SLC30A7: variants seen among roughly 807,000 people sequenced by gnomAD.
SLC30A7 encodes zinc transporter 7.
Under a neutral mutation model 46.0 loss-of-function variants are expected in SLC30A7, and 35 were observed. The ratio of observed to expected loss-of-function variants is 0.76; its 90% CI spans 0.58 to 1.01. The LOEUF is 1.01. Among genes scored for constraint, SLC30A7 ranks in the 50% least tolerant of loss-of-function variants. The pLI is 0.00. For synonymous variants in SLC30A7, 147 were observed against 157.8 expected (o/e 0.93, Z 0.51); for missense variants, 464 against 451.1 (o/e 1.03, Z -0.26).
intron 8 of SLC30A7, among the ~76,000 whole-genome samples, chr1:100,949,200 T>C (rs765911696): frequency 2.0e-5 from 3 of 152,164 alleles, no homozygotes; most frequent in Non-Finnish European, 2.9e-5. Context: ...GGTGTAGATG[T>C]CTTTTTTTGT....
chr1:100,981,822 A>G (rs1160802288), downstream of SLC30A7: 1 of 152,214 alleles, frequency 6.6e-6, no homozygotes, highest in Non-Finnish European at 1.5e-5. Flanking sequence ...AGGTATTGGA[A>G]TAGATACTAG....
intron 8 of SLC30A7, among the ~76,000 whole-genome samples, chr1:100,927,831 T>G (rs973680895): frequency 6.6e-5 from 10 of 152,098 alleles, no homozygotes; most frequent in African/African-American, 2.4e-4. Context: ...TCTAATCCAC[T>G]TAGTGGCCTA....
At chr1:100,902,765 T>C (rs1651388753) in intron 2 of SLC30A7, among the ~76,000 whole-genome samples, 1 of 152,200 alleles carries the variant, frequency 6.6e-6, no homozygotes, top group Admixed American at 6.5e-5. Context: ...TTTCTCTTTT[T>C]TATAAGGACA....
rs1280532422 is a variant in SLC30A7, at chr1:100,977,751, T to G, written c.*2894T>G. On this transcript the variant is annotated 3_prime_UTR_variant, in exon 11 of 11. Transcript: ENST00000357650. Reference sequence around the variant, plus strand: ...TACTATCTTTGGTTTTGTTTTTTTGTTTTTTTTGTTTGTTTGTATTAGATG... The same window carrying G: ...TACTATCTTTGGTTTTGTTTTTTTGGTTTTTTTGTTTGTTTGTATTAGATG... 6.6e-6 allele frequency: 1 copy of G among 151,828 alleles called. No homozygotes were observed. The highest frequency in any genetic ancestry group is 2.4e-5 in the African/African-American group (1 of 41,314). The allele number at this position is 151,828 out of a possible 1,614,324, so 9.4% of individuals were successfully genotyped here.
Position 100,896,188 on chromosome 1 carries a change from A to G in SLC30A7, c.-75A>G. On this transcript the variant is annotated 5_prime_UTR_variant, in exon 1 of 11. Coordinates refer to ENST00000357650, the MANE Select transcript of SLC30A7 (RefSeq NM_133496.5). ...GCTGGGGATTCCCGTTTGAGGCGTC[A>G]CTACTGTCACTGCCATCACCCCACG... 1 of 1,323,588 alleles carries G rather than the reference A, an allele frequency of 7.6e-7. No homozygotes were observed. The highest frequency in any genetic ancestry group is 1.1e-6 in the Non-Finnish European group (1 of 918,050). The allele number at this position is 1,323,588 out of a possible 1,614,324, so 82.0% of individuals were successfully genotyped here.
intron 2 of SLC30A7, among the ~76,000 whole-genome samples, chr1:100,903,612 A>G (rs1651449237): frequency 6.6e-6 from 1 of 152,150 alleles, no homozygotes. Flanking sequence ...TACTATCTGC[A>G]CTTAAACTTT....
chr1:100,941,862 C>T, intron 8 of SLC30A7: 1 of 485,166 alleles, frequency 2.1e-6, no homozygotes, highest in South Asian at 1.7e-5. Context: ...CATTACCACA[C>T]ACTCTGTGAG....
rs560238890 is a variant in SLC30A7, at chr1:100,978,469, C to G, written c.*3612C>G. ...CTTAACACAGAATTTTACATCTAAG[C>G]AAGGACTGGCTTTAGAAGCAGTGTA... On this transcript the variant is annotated 3_prime_UTR_variant, in exon 11 of 11. Transcript: ENST00000357650. 68 of 152,242 alleles carry G rather than the reference C, an allele frequency of 4.5e-4. 1 individual carries two copies. The highest frequency in any genetic ancestry group is 1.5e-3 in the African/African-American group (62 of 41,558). 9.4% of individuals were successfully genotyped at this position (152,242 alleles called of 1,614,324 possible).
intron 6 of SLC30A7, among the ~76,000 whole-genome samples, chr1:100,915,648 G>A (rs1423081474): frequency 1.3e-5 from 2 of 152,118 alleles, no homozygotes; most frequent in Non-Finnish European, 2.9e-5. Flanking sequence ...TCCGTTGTAT[G>A]TATATACCAC....
intron 2 of SLC30A7, among the ~76,000 whole-genome samples, chr1:100,905,102 T>G (rs541188863): frequency 1.3e-5 from 2 of 152,226 alleles, no homozygotes; most frequent in South Asian, 4.1e-4. Flanking sequence ...AATATGTCAT[T>G]TCATGTATCT....
At chr1:100,907,002 A>G in intron 3 of SLC30A7, 37 bp downstream of exon 3, 2 of 1,326,044 alleles carry the variant, frequency 1.5e-6, no homozygotes, top group Non-Finnish European at 2.2e-6. Context: ...TTATTGAAGT[A>G]TAAGATATAC....
At chr1:100,921,337 G>A (rs1289280982) in intron 7 of SLC30A7, among the ~76,000 whole-genome samples, 1 of 152,114 alleles carries the variant, frequency 6.6e-6, no homozygotes, top group Non-Finnish European at 1.5e-5. Flanking sequence ...TTCTTGACCA[G>A]TTCTTTTAGC....
chr1:100,911,976 A>T, intron 4 of SLC30A7, 136 bp from the exon 5 acceptor site: 1 of 699,530 alleles, frequency 1.4e-6, no homozygotes, highest in Non-Finnish European at 2.4e-6. Context: ...TATTTCTATC[A>T]ACTGTTTTGG....
chr1:100,948,408 T>G (rs562215845), intron 8 of SLC30A7, among the ~76,000 whole-genome samples: 30 of 152,370 alleles, frequency 2.0e-4, no homozygotes, highest in African/African-American at 6.5e-4. Context: ...TGCTGAGAGA[T>G]CCACTGTTTG....
Position 100,979,296 on chromosome 1 carries a change from A to T in SLC30A7, c.*4439A>T, listed in dbSNP as rs1427713608. 1.3e-5 allele frequency: 2 copies of T among 151,996 alleles called. No individual in the cohort carries two copies. Among genetic ancestry groups the T allele is most frequent in the Non-Finnish European group, 2.9e-5 (2 of 67,972 alleles). 9.4% of individuals were successfully genotyped at this position (151,996 alleles called of 1,614,324 possible). ...ATTCATAAGAACTTTGGTAAAAAAA[A>T]AAATAAAAGGAAATTATATGTTTTT... is the stretch of plus-strand genomic sequence containing the variant. On this transcript the variant is annotated 3_prime_UTR_variant, in exon 11 of 11. Transcript: ENST00000357650.
At chr1:100,936,209 G>A (rs543595995) in intron 8 of SLC30A7, among the ~76,000 whole-genome samples, 1 of 152,154 alleles carries the variant, frequency 6.6e-6, no homozygotes, top group East Asian at 1.9e-4. Context: ...AAATGGGAGG[G>A]GAGCAATAGA....
rs748445728 is a variant in SLC30A7, at chr1:100,965,823, T to C, written c.988T>C (p.Cys330Arg). Reference sequence around the variant, plus strand: ...ACAGGAACAGCACTTCTGGACTTTATGTTCTGACGTTTATGTTGGGACCTT... The same window carrying C: ...ACAGGAACAGCACTTCTGGACTTTACGTTCTGACGTTTATGTTGGGACCTT... Reference protein sequence around the residue: ...SLQEQHFWTLCSDVYVGTLKL... With the variant: ...SLQEQHFWTLRSDVYVGTLKL... The change falls in exon 10 of 11, where the codon TGT (cysteine) becomes CGT (arginine). Residue 330 changes from cysteine to arginine, a missense_variant. Cys to Arg is a radical substitution (Grantham distance 180). Transcript: ENST00000357650. 9 of 1,613,944 alleles carry C rather than the reference T, an allele frequency of 5.6e-6. No individual in the cohort carries two copies. Among genetic ancestry groups the C allele is most frequent in the Middle Eastern group, 1.6e-4 (1 of 6,062 alleles).
chr1:100,915,074 C>A (rs887825022), intron 6 of SLC30A7, among the ~76,000 whole-genome samples: 1 of 151,922 alleles, frequency 6.6e-6, no homozygotes, highest in Non-Finnish European at 1.5e-5. Context: ...TAAACATATC[C>A]GTTCCCACTG....
intron 10 of SLC30A7, among the ~76,000 whole-genome samples, chr1:100,970,214 A>G (rs1254404263): frequency 6.6e-6 from 1 of 152,086 alleles, no homozygotes; most frequent in Non-Finnish European, 1.5e-5. Context: ...ATTTTTAGGT[A>G]TCTTTCTTAT....
Sources: gnomAD v4.1 joint callset for allele counts (sites outside exome capture counted in the v4.1 genomes callset) on GRCh38, gnomAD v4.1.1 for gene constraint, MANE v1.5 for transcripts, NCBI Gene and HGNC (gene_info 2026-07-23, HGNC 2026-07-21) for gene names.